SUPT3H: variants seen among roughly 807,000 people sequenced by gnomAD.
SUPT3H encodes the protein transcription initiation protein SPT3 homolog.
In SUPT3H, 44 loss-of-function variants were observed where a neutral mutation model predicts 44.3. The observed-to-expected ratio is 0.99, with a 90% CI of 0.78 to 1.28. The LOEUF is 1.28. Among genes scored for constraint, SUPT3H ranks in the 50% most tolerant of loss-of-function variants. The pLI is 0.00. For missense variants in SUPT3H, 380 were observed against 387.1 expected (o/e 0.98, Z 0.15); for synonymous variants, 124 against 125.6 (o/e 0.99, Z 0.09).
intron 9 of SUPT3H, among the ~76,000 whole-genome samples, chr6:44,939,103 T>G (rs988549778): frequency 1.3e-5 from 2 of 152,226 alleles, no homozygotes; most frequent in African/African-American, 4.8e-5. Flanking sequence ...TCCAGTACTA[T>G]GTTGAATAGG....
chr6:45,041,730 T>C (rs1411733492), intron 3 of SUPT3H, among the ~76,000 whole-genome samples: 1 of 152,198 alleles, frequency 6.6e-6, no homozygotes. Context: ...TCTTCCTCAC[T>C]AGTCAGTAGT....
chr6:45,182,593 G>A (rs1433340893), intron 2 of SUPT3H, among the ~76,000 whole-genome samples: 1 of 152,098 alleles, frequency 6.6e-6, no homozygotes, highest in African/African-American at 2.4e-5. Flanking sequence ...CTTTTTTAGA[G>A]CAGTTTTAGG....
At chr6:45,022,397 T>C (rs1785269028) in intron 3 of SUPT3H, among the ~76,000 whole-genome samples, 3 of 144,414 alleles carry the variant, frequency 2.1e-5, no homozygotes, top group Admixed American at 7.4e-5. Flanking sequence ...ACAGAAGAGT[T>C]GAACATTTGG....
At chr6:45,354,630 T>C (rs1160228867) in intron 2 of SUPT3H, among the ~76,000 whole-genome samples, 2 of 149,812 alleles carry the variant, frequency 1.3e-5, no homozygotes, top group Non-Finnish European at 3.0e-5. Flanking sequence ...CACGCACACA[T>C]ACACACACAC....
chr6:44,994,039 A>G (rs549240878), intron 6 of SUPT3H, among the ~76,000 whole-genome samples: 1 of 152,266 alleles, frequency 6.6e-6, no homozygotes, highest in African/African-American at 2.4e-5. Context: ...CTCAAAAACA[A>G]AACCAATAAT....
chr6:44,979,991 T>C (rs375141722), intron 6 of SUPT3H, among the ~76,000 whole-genome samples: 3 of 152,332 alleles, frequency 2.0e-5, no homozygotes, highest in South Asian at 2.1e-4. Context: ...GTTAAGATTA[T>C]TTCTGGCTAC....
At chr6:44,857,986 T>C (rs1424671179) in intron 10 of SUPT3H, among the ~76,000 whole-genome samples, 1 of 152,196 alleles carries the variant, frequency 6.6e-6, no homozygotes, top group Non-Finnish European at 1.5e-5. Context: ...TCCTGGTTAC[T>C]TTTTCTTGGC....
At chr6:44,865,321 C>A (rs941222217) in intron 10 of SUPT3H, among the ~76,000 whole-genome samples, 1 of 152,218 alleles carries the variant, frequency 6.6e-6, no homozygotes, top group Non-Finnish European at 1.5e-5. Flanking sequence ...ACTGTTCCAA[C>A]TTCTGTCTGT....
chr6:45,376,784 T>C (rs575797991), intron 1 of SUPT3H, among the ~76,000 whole-genome samples: 1 of 152,028 alleles, frequency 6.6e-6, no homozygotes, highest in East Asian at 1.9e-4. Flanking sequence ...GCAGGGCGAA[T>C]TTAATTCCTC....
intron 1 of SUPT3H, among the ~76,000 whole-genome samples, chr6:45,376,538 C>G (rs1217317025): frequency 6.6e-6 from 1 of 152,218 alleles, no homozygotes; most frequent in African/African-American, 2.4e-5. Flanking sequence ...CCTAAAGGCA[C>G]AGATTATGGA....
At chr6:45,197,135 ATATT>A (rs1190755596) in intron 2 of SUPT3H, among the ~76,000 whole-genome samples, 1 of 151,668 alleles carries the variant, frequency 6.6e-6, no homozygotes, top group East Asian at 1.9e-4. Flanking sequence ...TTGCTACTAC[ATATT>A]TAAATTGGTT....
chr6:45,181,219 C>A (rs9369541), intron 2 of SUPT3H, among the ~76,000 whole-genome samples: 1 of 90,282 alleles, frequency 1.1e-5, no homozygotes, highest in African/African-American at 4.5e-5. Flanking sequence ...GGAAACAACA[C>A]GTGCTGGAGA....
At position 45,365,240 on chromosome 6, in the gene SUPT3H, C is replaced by T; in HGVS notation, c.62G>A (p.Gly21Glu). The change falls in exon 2 of 11, where the codon GGG becomes GAG. Residue 21 changes from glycine to glutamate, a missense_variant. Coordinates refer to ENST00000371459, the MANE Select transcript of SUPT3H (RefSeq NM_003599.4). ...TTCTGTTGCAAAGCTTATAGACTTCCCTGTACTCCTTCCACTACTTGAAGT... is the reference window on the plus strand; with the variant it reads ...TTCTGTTGCAAAGCTTATAGACTTCTCTGTACTCCTTCCACTACTTGAAGT... ...TATSSSGRST[G>E]KSISFATELQ... The T allele has an allele frequency of 6.2e-7, 1 of 1,612,398 alleles. No homozygotes were observed. Among genetic ancestry groups the T allele is most frequent in the African/African-American group, 1.3e-5 (1 of 74,936 alleles).
At chr6:45,129,925 T>C (rs1803163823) in intron 2 of SUPT3H, among the ~76,000 whole-genome samples, 1 of 152,132 alleles carries the variant, frequency 6.6e-6, no homozygotes, top group African/African-American at 2.4e-5. Flanking sequence ...AAAGGCAGTG[T>C]TAAGACTGGC....
chr6:45,135,705 G>C (rs1267167097), intron 2 of SUPT3H, among the ~76,000 whole-genome samples: 1 of 152,146 alleles, frequency 6.6e-6, no homozygotes, highest in Non-Finnish European at 1.5e-5. Flanking sequence ...ACCAAACTTT[G>C]GCAGTCTGTA....
At chr6:44,999,311 C>G (rs368114668) in intron 6 of SUPT3H, among the ~76,000 whole-genome samples, 108 of 152,078 alleles carry the variant, frequency 7.1e-4, no homozygotes, top group African/African-American at 2.6e-3. Context: ...TGCTATGTTG[C>G]CCAGGTTGGA....
intron 2 of SUPT3H, among the ~76,000 whole-genome samples, chr6:45,176,224 TGC>T (rs2153609791): frequency 6.6e-6 from 1 of 151,850 alleles, no homozygotes; most frequent in South Asian, 2.1e-4. Context: ...GCGCGCACCG[TGC>T]GCGAGCCGAA....
chr6:45,319,054 T>C (rs1343880896), intron 2 of SUPT3H, among the ~76,000 whole-genome samples: 3 of 152,158 alleles, frequency 2.0e-5, no homozygotes, highest in African/African-American at 7.2e-5. Flanking sequence ...ATTCCTACAC[T>C]GATATCTTTT....
At chr6:44,998,159 T>C (rs1047467044) in intron 6 of SUPT3H, among the ~76,000 whole-genome samples, 3 of 151,922 alleles carry the variant, frequency 2.0e-5, no homozygotes, top group African/African-American at 7.2e-5. Flanking sequence ...CTCCTTTTTT[T>C]TTCTTTTCTA....
Sources: allele counts gnomAD v4.1 joint callset (sites outside exome capture counted in the v4.1 genomes callset), GRCh38; gene constraint gnomAD v4.1.1; transcripts MANE v1.5; gene names NCBI Gene and HGNC (gene_info 2026-07-23, HGNC 2026-07-21).